The following SNX29 variants were observed in gnomAD, a reference collection of about 807,000 sequenced individuals.
SNX29 encodes the protein sorting nexin-29.
A neutral mutation model predicts 102.1 loss-of-function variants in SNX29; 78 were observed. The ratio of observed to expected loss-of-function variants is 0.76; its 90% CI spans 0.64 to 0.92. The LOEUF is 0.92. SNX29 is among the 40% of genes least tolerant of loss of function. SNX29 has a pLI of 0.00. For synonymous variants in SNX29, 580 were observed against 414.5 expected (o/e 1.40, Z -4.85); for missense variants, 1,280 against 1,061.7 (o/e 1.21, Z -2.86).
intron 11 of SNX29, among the ~76,000 whole-genome samples, chr16:12,084,410 A>G (rs1349658689): frequency 6.6e-6 from 1 of 152,140 alleles, no homozygotes; most frequent in Non-Finnish European, 1.5e-5. Flanking sequence ...TTCCAAAGTG[A>G]AAAAGTTAAT....
At position 12,572,052 on chromosome 16, in the gene SNX29, A is replaced by T. The variant is rs2079199291; in HGVS notation, c.*3423A>T. 9.4e-7 allele frequency: 1 copy of T among 1,063,230 alleles called. No homozygotes were observed. The highest frequency in any genetic ancestry group is 4.6e-5 in the South Asian group (1 of 21,970). The allele number at this position is 1,063,230 out of a possible 1,614,324, so 65.9% of individuals were successfully genotyped here. A position where few individuals can be genotyped will look rare whatever the true frequency, so the allele number is the denominator to read the frequency against. On this transcript the variant is annotated 3_prime_UTR_variant, in exon 21 of 21. Coordinates refer to ENST00000566228, the MANE Select transcript of SNX29 (RefSeq NM_032167.5). ...GGATCATCCAGTGGAGTTGTAAACA[A>T]GGGAACCATCTTGCAAGATCTAGGA...
At position 12,573,942 on chromosome 16, in the gene SNX29, T is replaced by C. The variant is rs530010061; in HGVS notation, c.*5313T>C. The C allele has an allele frequency of 4.0e-4, 81 of 200,400 alleles. No homozygotes were observed. The East Asian group carries it at 6.1e-3, about 15-fold the overall frequency. The allele number at this position is 200,400 out of a possible 1,614,324, so 12.4% of individuals were successfully genotyped here. ...ACTTCTTAGAGAAGCGAGTCTTTTT[T>C]GAATGGAGGAGCGATGGTAACCCCA... On this transcript the variant is annotated 3_prime_UTR_variant, in exon 21 of 21. Transcript: ENST00000566228.
intron 15 of SNX29, among the ~76,000 whole-genome samples, chr16:12,353,535 T>C (rs1475431752): frequency 6.6e-6 from 1 of 152,176 alleles, no homozygotes; most frequent in Non-Finnish European, 1.5e-5. Flanking sequence ...TGTCAGTAAC[T>C]GATCAAGCCC....
intron 20 of SNX29, among the ~76,000 whole-genome samples, chr16:12,539,767 A>G (rs569418003): frequency 2.8e-4 from 42 of 152,174 alleles, no homozygotes; most frequent in Non-Finnish European, 5.6e-4. Flanking sequence ...CTTAATTTGC[A>G]TTTTCCTAAT....
intron 20 of SNX29, among the ~76,000 whole-genome samples, chr16:12,534,396 C>T (rs2077014408): frequency 6.6e-6 from 1 of 152,224 alleles, no homozygotes; most frequent in Non-Finnish European, 1.5e-5. Flanking sequence ...GCTTCTTTTG[C>T]TTCTTGTCCT....
chr16:12,329,678 T>G (rs912442632), intron 15 of SNX29, among the ~76,000 whole-genome samples: 8 of 152,250 alleles, frequency 5.3e-5, no homozygotes, highest in Non-Finnish European at 1.2e-4. Flanking sequence ...AGCATGTTTT[T>G]CTGCTATGCG....
At position 12,403,530 on chromosome 16, in the gene SNX29, G is replaced by GT. The variant is rs1322829833; in HGVS notation, c.2037+2dup. ...AGCAAATGCATTCCACGTGTATCAG[G>GT]TGAGTGCCTGGTTTTCAGGTGGACA... On this transcript the variant is annotated splice_donor_variant, in intron 18 of 20. Transcript: ENST00000566228. LOFTEE classifies it high-confidence loss of function. 6.2e-7 allele frequency: 1 copy of GT among 1,602,278 alleles called. No homozygotes were observed. Among genetic ancestry groups the GT allele is most frequent in the Admixed American group, 1.7e-5 (1 of 58,660 alleles).
At chr16:12,400,374 C>T (rs974472251) in intron 17 of SNX29, among the ~76,000 whole-genome samples, 15 of 152,168 alleles carry the variant, frequency 9.9e-5, no homozygotes, top group African/African-American at 3.6e-4. Context: ...CTGTGCTGGA[C>T]ACTGTTCTAA....
chr16:12,540,787 G>A (rs757437779), intron 20 of SNX29, among the ~76,000 whole-genome samples: 2 of 152,212 alleles, frequency 1.3e-5, no homozygotes, highest in African/African-American at 2.4e-5. Context: ...TCAGGTGCTT[G>A]AGGACTGCTC....
At chr16:12,100,078 A>C (rs1176607413) in intron 11 of SNX29, among the ~76,000 whole-genome samples, 4 of 152,146 alleles carry the variant, frequency 2.6e-5, no homozygotes, top group Non-Finnish European at 4.4e-5. Flanking sequence ...CAGCATAGGG[A>C]GTCCTTGGTG....
At chr16:12,087,510 T>A (rs1472426352) in intron 11 of SNX29, 5 of 245,572 alleles carry the variant, frequency 2.0e-5, no homozygotes, top group Non-Finnish European at 2.4e-5. Context: ...GGCAGGAGGA[T>A]TGCTTGAGCC....
intron 20 of SNX29, among the ~76,000 whole-genome samples, chr16:12,561,488 G>C (rs956363248): frequency 6.6e-6 from 1 of 152,020 alleles, no homozygotes. Flanking sequence ...TGACCGGCTC[G>C]CCAGACCCAG....
chr16:12,353,687 T>C (rs759088236), intron 15 of SNX29, among the ~76,000 whole-genome samples: 3 of 152,214 alleles, frequency 2.0e-5, no homozygotes, highest in African/African-American at 4.8e-5. Flanking sequence ...TGACCTCTTA[T>C]TGCTCAACAT....
chr16:12,568,304 T>TAAAAAA (rs34750195), intron 20 of SNX29, among the ~76,000 whole-genome samples: 1 of 146,340 alleles, frequency 6.8e-6, no homozygotes, highest in African/African-American at 2.5e-5. Flanking sequence ...GGAGTGCTGT[T>TAAAAAA]AAAAAAAAAA....
chr16:12,533,591 G>T (rs548685672), intron 20 of SNX29, among the ~76,000 whole-genome samples: 20 of 152,262 alleles, frequency 1.3e-4, no homozygotes, highest in South Asian at 6.2e-4. Context: ...TATATTATTT[G>T]GAGGGAGGAG....
intron 18 of SNX29, among the ~76,000 whole-genome samples, chr16:12,422,140 T>G (rs994343255): frequency 6.6e-6 from 1 of 152,214 alleles, no homozygotes; most frequent in Non-Finnish European, 1.5e-5. Flanking sequence ...AGGCAGCATT[T>G]TTCTCCTTAA....
intron 20 of SNX29, among the ~76,000 whole-genome samples, chr16:12,555,037 C>A (rs536551830): frequency 2.0e-5 from 3 of 151,794 alleles, no homozygotes; most frequent in Admixed American, 1.3e-4. Flanking sequence ...CCTGGTGCCA[C>A]CGAGCAGCCT....
intron 11 of SNX29, among the ~76,000 whole-genome samples, chr16:12,118,606 G>A (rs1011892488): frequency 7.2e-5 from 11 of 151,992 alleles, no homozygotes; most frequent in Non-Finnish European, 1.3e-4. Flanking sequence ...GTGAGCCACC[G>A]TGCCCGCCCT....
chr16:12,556,888 T>G (rs2078390111), intron 20 of SNX29, among the ~76,000 whole-genome samples: 1 of 148,770 alleles, frequency 6.7e-6, no homozygotes, highest in South Asian at 2.1e-4. Flanking sequence ...GGTCTCCGTC[T>G]GTCTCCTCAC....
Sources: gnomAD v4.1 joint callset for allele counts (sites outside exome capture counted in the v4.1 genomes callset) on GRCh38, gnomAD v4.1.1 for gene constraint, MANE v1.5 for transcripts, NCBI Gene and HGNC (gene_info 2026-07-23, HGNC 2026-07-21) for gene names.